Variants in PPM1D observed in about 807,000 individuals in gnomAD.
The protein encoded by PPM1D is protein phosphatase, Mg2+/Mn2+ dependent 1D.
In PPM1D, 52 loss-of-function variants were observed where a neutral mutation model predicts 58.3. That is an observed-to-expected ratio of 0.89 (90% confidence interval 0.71 to 1.12). The LOEUF is 1.12. PPM1D is among the 50% of genes most tolerant of loss of function. PPM1D has a pLI of 0.00. For missense variants in PPM1D, 564 were observed against 777.2 expected, an observed-to-expected ratio of 0.73 and a Z score of 3.26; for synonymous variants, 278 against 285.1, an observed-to-expected ratio of 0.98 and a Z score of 0.25.
chr17:60,629,491 C>T (rs564603068), intron 2 of PPM1D, among the ~76,000 whole-genome samples: 1 of 152,310 alleles, frequency 6.6e-6, no homozygotes, highest in Non-Finnish European at 1.5e-5. Context: ...GTTAGATGAA[C>T]CTCCTTTCAG....
At chr17:60,602,198 A>G (rs2030228893) in intron 1 of PPM1D, among the ~76,000 whole-genome samples, 1 of 152,176 alleles carries the variant, frequency 6.6e-6, no homozygotes. Context: ...GTTTTTGTGT[A>G]GGCACCGTAG....
chr17:60,630,028 G>A (rs2143666796), intron 2 of PPM1D, among the ~76,000 whole-genome samples: 1 of 151,348 alleles, frequency 6.6e-6, no homozygotes, highest in East Asian at 1.9e-4. Context: ...CAACAAGAGT[G>A]AAAACTGTCT....
intron 3 of PPM1D, among the ~76,000 whole-genome samples, chr17:60,641,337 C>CT (rs2031130221): frequency 1.3e-5 from 2 of 152,132 alleles, no homozygotes; most frequent in South Asian, 2.1e-4. Context: ...TTTGCGTTCT[C>CT]TAATGATTAC....
At chr17:60,629,743 A>G (rs2030880410) in intron 2 of PPM1D, among the ~76,000 whole-genome samples, 1 of 152,156 alleles carries the variant, frequency 6.6e-6, no homozygotes, top group Non-Finnish European at 1.5e-5. Flanking sequence ...CTTTTAAAAA[A>G]TACTTTTCTT....
At chr17:60,647,668 G>C (rs1035073390) in intron 3 of PPM1D, among the ~76,000 whole-genome samples, 2 of 152,150 alleles carry the variant, frequency 1.3e-5, no homozygotes, top group African/African-American at 2.4e-5. Context: ...TTACCTTTAA[G>C]ATGATTATTA....
chr17:60,614,579 G>C (rs369014726), intron 1 of PPM1D, among the ~76,000 whole-genome samples: 47 of 152,176 alleles, frequency 3.1e-4, no homozygotes, highest in African/African-American at 1.1e-3. Context: ...GCAACACGGT[G>C]GGGTGGCTTC....
intron 5 of PPM1D, among the ~76,000 whole-genome samples, chr17:60,657,897 G>A (rs1323890374): frequency 6.6e-6 from 1 of 151,934 alleles, no homozygotes; most frequent in African/African-American, 2.4e-5. Flanking sequence ...CCGCCACTAC[G>A]CCCTGCTAAT....
chr17:60,643,888 T>TC (rs1421294971), intron 3 of PPM1D, among the ~76,000 whole-genome samples: 4 of 138,648 alleles, frequency 2.9e-5, no homozygotes, highest in Admixed American at 7.3e-5. Flanking sequence ...CTTTTCTTTT[T>TC]TTTTTTTTTT....
At chr17:60,621,824 C>T (rs1458649655) in intron 1 of PPM1D, among the ~76,000 whole-genome samples, 3 of 148,344 alleles carry the variant, frequency 2.0e-5, no homozygotes, top group African/African-American at 7.4e-5. Context: ...CCCACTTTGG[C>T]CTCCTAAAGT....
intron 4 of PPM1D, among the ~76,000 whole-genome samples, chr17:60,651,852 G>A (rs998650341): frequency 2.0e-5 from 3 of 152,164 alleles, no homozygotes; most frequent in Admixed American, 2.0e-4. Flanking sequence ...CTCAAAGTAG[G>A]AGGTTGAAAA....
chr17:60,630,471 C>T (rs2030898024), intron 2 of PPM1D, among the ~76,000 whole-genome samples: 1 of 152,066 alleles, frequency 6.6e-6, no homozygotes, highest in East Asian at 1.9e-4. Context: ...TAAGTTATTT[C>T]CTTGCTTCCC....
chr17:60,655,300 T>A (rs1485096094), intron 4 of PPM1D, among the ~76,000 whole-genome samples: 1 of 152,206 alleles, frequency 6.6e-6, no homozygotes, highest in Admixed American at 6.5e-5. Flanking sequence ...CATGCCTGAT[T>A]GTCTTGTTTG....
rs1341823264 is a variant in PPM1D, at chr17:60,633,843, T to C, written c.702-10T>C. 6.2e-7 allele frequency: 1 copy of C among 1,606,138 alleles called. No homozygotes were observed. On this transcript the variant is annotated splice_polypyrimidine_tract_variant and intron_variant, in intron 2 of 5. Coordinates refer to ENST00000305921, the MANE Select transcript of PPM1D (RefSeq NM_003620.4). Reference sequence around the variant, plus strand: ...CATTTAGATTATTTATGTGAACTCTTTATTTTTAGTGTAATGAACAAGTCT... The same window carrying C: ...CATTTAGATTATTTATGTGAACTCTCTATTTTTAGTGTAATGAACAAGTCT...
rs191969723 is a variant in PPM1D, at chr17:60,621,812, C to T, written c.473-1709C>T. 2.2e-3 allele frequency among the ~76,000 whole-genome samples: 326 copies of T among 148,036 alleles called. 1 individual carries two copies. Among genetic ancestry groups the T allele is most frequent in the African/African-American group, 7.3e-3 (297 of 40,494 alleles). Reference sequence around the variant, plus strand: ...GTCTCGATCTCCTGACCTCGTGATCCGCCCACTTTGGCCTCCTAAAGTGCT... The same window carrying T: ...GTCTCGATCTCCTGACCTCGTGATCTGCCCACTTTGGCCTCCTAAAGTGCT... On this transcript the variant is annotated intron_variant, in intron 1 of 5. Coordinates refer to ENST00000305921, the MANE Select transcript of PPM1D (RefSeq NM_003620.4).
intron 3 of PPM1D, among the ~76,000 whole-genome samples, chr17:60,641,912 C>T (rs2031140460): frequency 6.6e-6 from 1 of 152,170 alleles, no homozygotes; most frequent in Admixed American, 6.5e-5. Context: ...ATACTGGAAC[C>T]AGAAAGCAGG....
chr17:60,625,383 A>G (rs940688448), intron 2 of PPM1D, among the ~76,000 whole-genome samples: 4 of 152,226 alleles, frequency 2.6e-5, no homozygotes, highest in African/African-American at 7.2e-5. Context: ...ACAAATTGGT[A>G]CTACCTATAT....
Position 60,656,618 on chromosome 17 carries a change from G to T in PPM1D, c.1037G>T (p.Cys346Phe), listed in dbSNP as rs201874696. The T allele has an allele frequency of 7.7e-5, 125 of 1,614,150 alleles. 1 individual carries two copies. In the East Asian group the frequency reaches 2.7e-3, roughly 35 times the overall value. Residue 346 changes from cysteine to phenylalanine, a missense_variant, in exon 5 of 6, where the codon TGT (cysteine) becomes TTT (phenylalanine). This residue lies in a region of PPM1D where 34 missense variants were observed against 34.3 expected (regional missense o/e 0.99). Coordinates refer to ENST00000305921, the MANE Select transcript of PPM1D (RefSeq NM_003620.4). ...ATACAGGGTGAGCATGGACAATCTT[G>T]TGCCAAAATGCTTGTGAATCGAGCA... ...KYLMGEHGQS[C>F]AKMLVNRALG...
intron 1 of PPM1D, among the ~76,000 whole-genome samples, chr17:60,612,738 GTC>G (rs1281738930): frequency 1.3e-5 from 2 of 152,042 alleles, no homozygotes; most frequent in Admixed American, 6.5e-5. Context: ...CCAGATAACA[GTC>G]TGTTTTTTTT....
At chr17:60,621,740 A>AT (rs1261723148) in intron 1 of PPM1D, among the ~76,000 whole-genome samples, 3 of 149,760 alleles carry the variant, frequency 2.0e-5, no homozygotes, top group Non-Finnish European at 3.0e-5. Context: ...CGCCCAGCTA[A>AT]TTTTTTGTAT....
Sources: allele counts gnomAD v4.1 joint callset (sites outside exome capture counted in the v4.1 genomes callset), GRCh38; gene constraint gnomAD v4.1.1; regional missense constraint gnomAD v4.1.1; transcripts MANE v1.5; gene names NCBI Gene and HGNC (gene_info 2026-07-23, HGNC 2026-07-21).